WDFY4: variants seen among roughly 807,000 people sequenced by gnomAD.
WDFY4 encodes WD repeat- and FYVE domain-containing protein 4.
Under a neutral mutation model 351.9 loss-of-function variants are expected in WDFY4, and 169 were observed. The ratio of observed to expected loss-of-function variants is 0.48; its 90% CI spans 0.42 to 0.55. The LOEUF (loss-of-function observed/expected upper bound fraction) is 0.55. Ranked by LOEUF, WDFY4 falls within the 20% of genes least tolerant of loss-of-function variation. The pLI is 0.00. For synonymous variants in WDFY4, 1,622 were observed against 1,574.6 expected, an observed-to-expected ratio of 1.03 and a Z score of -0.71; for missense variants, 3,803 against 3,935.6, an observed-to-expected ratio of 0.97 and a Z score of 0.90.
intron 43 of WDFY4, among the ~76,000 whole-genome samples, chr10:48,886,748 G>A (rs1589814312): frequency 6.6e-6 from 1 of 152,332 alleles, no homozygotes; most frequent in East Asian, 1.9e-4. Context: ...TTTCGCTCCA[G>A]CATTTTGTTG....
rs567999854 is a variant in WDFY4, at chr10:48,969,699, C to T, written c.8770-432C>T. ...AGTCACCTCTGCCTTCTTGATGTGGCCCCTGCCCTCCTCCTCAGGCCCCAT... is the reference window on the plus strand; with the variant it reads ...AGTCACCTCTGCCTTCTTGATGTGGTCCCTGCCCTCCTCCTCAGGCCCCAT... On this transcript the variant is annotated intron_variant, in intron 56 of 61. Transcript: ENST00000325239. Among the ~76,000 whole-genome samples, 9 of 151,976 alleles carry T rather than the reference C, an allele frequency of 5.9e-5. No homozygotes were observed. The East Asian group carries it at 1.8e-3, about 30-fold the overall frequency.
At chr10:48,969,362 C>T in intron 56 of WDFY4, 114 bp downstream of exon 56, 1 of 1,302,088 alleles carries the variant, frequency 7.7e-7, no homozygotes, top group Admixed American at 2.2e-5. Context: ...ACTTTCCCTA[C>T]AAGGTGTGCT....
At chr10:48,777,290 T>C in intron 16 of WDFY4, 129 bp from the exon 17 acceptor site, 1 of 914,668 alleles carries the variant, frequency 1.1e-6, no homozygotes, top group South Asian at 1.6e-5. Flanking sequence ...CCTTGGGACC[T>C]TATGGTCTAA....
chr10:48,974,361 A>C (rs922586711), intron 57 of WDFY4, among the ~76,000 whole-genome samples: 6 of 151,962 alleles, frequency 3.9e-5, no homozygotes, highest in Non-Finnish European at 5.9e-5. Context: ...AACATTCGCC[A>C]GGCATGGTGG....
At chr10:48,806,614 T>C (rs1003176461) in intron 27 of WDFY4, among the ~76,000 whole-genome samples, 1 of 152,212 alleles carries the variant, frequency 6.6e-6, no homozygotes, top group Non-Finnish European at 1.5e-5. Context: ...CCCTACTGAA[T>C]AGATTTGTAG....
In WDFY4 at chr10:48,743,166, C is replaced by T. The variant is rs565353811; in HGVS notation, c.2077C>T (p.His693Tyr). The T allele has an allele frequency of 2.1e-5, 33 of 1,551,742 alleles. No individual in the cohort carries two copies. The East Asian group carries it at 6.6e-4, about 31-fold the overall frequency. The change falls in exon 12 of 62, where the codon CAC (histidine) becomes TAC (tyrosine). Residue 693 changes from histidine to tyrosine, a missense_variant. His to Tyr is a moderately conservative substitution (Grantham distance 83, BLOSUM62 2). Around this residue, in one of 3 missense-constraint regions of WDFY4, gnomAD observed 3,054 missense variants for 3,148.6 expected, o/e 0.97. Transcript: ENST00000325239. The stretch of plus-strand genomic sequence containing the variant: ...TCTCTGTGCTGTGTCCGCAGCGCTG[C>T]ACTGGGACCCTGTCAATGGCTACTT... The part of the protein sequence containing the change: ...YTLCAVSAAL[H>Y]WDPVNGYFFR...
intron 45 of WDFY4, among the ~76,000 whole-genome samples, chr10:48,898,068 T>A (rs1253237336): frequency 6.6e-6 from 1 of 152,080 alleles, no homozygotes; most frequent in Non-Finnish European, 1.5e-5. Flanking sequence ...CCAAGTGGTT[T>A]AGGGATCTCC....
intron 36 of WDFY4, 102 bp downstream of exon 36, chr10:48,827,011 T>A (rs765618809): frequency 5.9e-5 from 57 of 969,102 alleles, no homozygotes; most frequent in Middle Eastern, 2.4e-4. Context: ...ATAAATGATA[T>A]CATCCTTTTG....
At chr10:48,728,160 C>T (rs2132319171) in intron 7 of WDFY4, among the ~76,000 whole-genome samples, 1 of 152,364 alleles carries the variant, frequency 6.6e-6, no homozygotes, top group East Asian at 1.9e-4. Flanking sequence ...CTTGCTAATG[C>T]TCTTGGACTG....
At chr10:48,806,782 A>G (rs2067271134) in intron 27 of WDFY4, among the ~76,000 whole-genome samples, 1 of 152,216 alleles carries the variant, frequency 6.6e-6, no homozygotes, top group South Asian at 2.1e-4. Flanking sequence ...GAGAGCCCCT[A>G]AGCCACATAT....
chr10:48,820,499 C>T lies in WDFY4; in HGVS notation c.5709+62C>T, dbSNP rs1350858059. On this transcript the variant is annotated intron_variant, in intron 33 of 61. Coordinates refer to ENST00000325239, the MANE Select transcript of WDFY4 (RefSeq NM_001394531.1). ...GGAGGCTGCCGGCATACCGGCACTG[C>T]AAGGGCAGGATGCACCCAGGGAGAC... 2.6e-6 allele frequency: 4 copies of T among 1,512,218 alleles called. No individual in the cohort carries two copies. The South Asian group carries it at 3.7e-5, about 14-fold the overall frequency. The allele number at this position is 1,512,218 out of a possible 1,614,324, so 93.7% of individuals were successfully genotyped here. A position where few individuals can be genotyped will look rare whatever the true frequency, so the allele number is the denominator to read the frequency against.
intron 39 of WDFY4, among the ~76,000 whole-genome samples, chr10:48,853,006 T>C (rs1423377293): frequency 6.6e-6 from 1 of 152,188 alleles, no homozygotes; most frequent in Non-Finnish European, 1.5e-5. Flanking sequence ...AAGACCAATT[T>C]CTACAGCCAA....
At chr10:48,856,995 A>T (rs1472874224) in intron 39 of WDFY4, among the ~76,000 whole-genome samples, 5 of 152,240 alleles carry the variant, frequency 3.3e-5, no homozygotes, top group African/African-American at 1.2e-4. Flanking sequence ...GGCAGCAAAT[A>T]CTGTCAGTTG....
intron 39 of WDFY4, among the ~76,000 whole-genome samples, chr10:48,861,655 A>G (rs1453571096): frequency 1.3e-5 from 2 of 152,116 alleles, no homozygotes; most frequent in East Asian, 1.9e-4. Flanking sequence ...AAGTCTGACT[A>G]TAATGTGTCT....
chr10:48,764,202 T>C (rs1474001950), intron 13 of WDFY4, among the ~76,000 whole-genome samples: 2 of 152,190 alleles, frequency 1.3e-5, no homozygotes, highest in Non-Finnish European at 2.9e-5. Context: ...ACCTTATGGG[T>C]GTTCTCTTCT....
rs778702106 is a variant in WDFY4 at position 48,826,653 on chromosome 10, G to GT, written c.5983-11dup. 20 of 1,533,098 alleles carry GT rather than the reference G, an allele frequency of 1.3e-5. No homozygotes were observed. The highest frequency in any genetic ancestry group is 2.0e-5 in the Admixed American group (1 of 50,806). The allele number at this position is 1,533,098 out of a possible 1,614,324, so 95.0% of individuals were successfully genotyped here. On this transcript the variant is annotated splice_polypyrimidine_tract_variant and intron_variant, in intron 35 of 61. Transcript: ENST00000325239. ...CACTCACAAGTTTGTGTATGTGTATGTTTTTTTAATGACACAGGTCATTGA... is the reference window on the plus strand; with the variant it reads ...CACTCACAAGTTTGTGTATGTGTATGTTTTTTTTAATGACACAGGTCATTGA...
intron 13 of WDFY4, among the ~76,000 whole-genome samples, chr10:48,765,575 A>C (rs767201741): frequency 2.6e-5 from 4 of 152,352 alleles, no homozygotes; most frequent in Admixed American, 2.6e-4. Flanking sequence ...CATTATAACA[A>C]CCGTGCATGG....
rs1275735128 is a variant in WDFY4, at chr10:48,786,633, TA to T, written c.3577-4del. ...CTACTCACTCTTGTCCTTTTTATTT[TA>T]ACAGATGTTATACATCCAGGCTCTA... is the stretch of plus-strand genomic sequence containing the variant. On this transcript the variant is annotated splice_polypyrimidine_tract_variant and splice_region_variant and intron_variant, in intron 19 of 61. Coordinates refer to ENST00000325239, the MANE Select transcript of WDFY4 (RefSeq NM_001394531.1). 2.6e-6 allele frequency: 4 copies of T among 1,547,808 alleles called. No individual in the cohort carries two copies. Among genetic ancestry groups the T allele is most frequent in the Non-Finnish European group, 3.5e-6 (4 of 1,145,428 alleles).
At chr10:48,950,093 G>A (rs1203198256) in intron 51 of WDFY4, among the ~76,000 whole-genome samples, 1 of 152,162 alleles carries the variant, frequency 6.6e-6, no homozygotes, top group Non-Finnish European at 1.5e-5. Flanking sequence ...GCACAGCTCA[G>A]TGTCATTAAG....
Sources: gnomAD v4.1 joint callset for allele counts (sites outside exome capture counted in the v4.1 genomes callset) on GRCh38, gnomAD v4.1.1 for gene constraint, gnomAD v4.1.1 regional missense constraint, MANE v1.5 for transcripts, NCBI Gene and HGNC (gene_info 2026-07-23, HGNC 2026-07-21) for gene names.